The following TMPRSS15 variants were observed in gnomAD, a reference collection of about 807,000 sequenced individuals.
The protein encoded by TMPRSS15 is enteropeptidase.
TMPRSS15 carries 128 observed loss-of-function variants against 125.3 expected under a neutral mutation model. The ratio of observed to expected loss-of-function variants is 1.02; its 90% CI spans 0.89 to 1.18. The LOEUF (loss-of-function observed/expected upper bound fraction) is 1.18, where lower values mean the gene tolerates loss of function less well. TMPRSS15 is among the 50% of genes most tolerant of loss of function. The pLI is 0.00. For missense variants in TMPRSS15, 1,283 were observed against 1,212.7 expected (o/e 1.06, Z -0.86); for synonymous variants, 446 against 423.2 (o/e 1.05, Z -0.66).
At chr21:18,317,690 C>G (rs1276614059) in intron 16 of TMPRSS15, among the ~76,000 whole-genome samples, 1 of 151,990 alleles carries the variant, frequency 6.6e-6, no homozygotes, top group African/African-American at 2.4e-5. Context: ...GGATACACAT[C>G]AATGTGTGTG....
At chr21:18,454,286 A>T (rs1329339418) in intron 1 of TMPRSS15, among the ~76,000 whole-genome samples, 2 of 152,122 alleles carry the variant, frequency 1.3e-5, no homozygotes, top group Non-Finnish European at 2.9e-5. Context: ...TTGTACACTG[A>T]TGCGATGTTT....
intron 6 of TMPRSS15, among the ~76,000 whole-genome samples, chr21:18,365,658 CCTTCCTTCCTTCCTTCCTT>C (rs2075726553): frequency 8.6e-6 from 1 of 116,588 alleles, no homozygotes; most frequent in African/African-American, 3.7e-5. Flanking sequence ...TCCCTTCCTT[CCTTCCTTCCTTCCTTCCTT>C]CCTTCCTTCC....
intron 13 of TMPRSS15, 66 bp downstream of exon 13, chr21:18,341,347 A>G (rs990506741): frequency 6.3e-7 from 1 of 1,597,742 alleles, no homozygotes; most frequent in Non-Finnish European, 8.6e-7. Context: ...CTGGAATTAT[A>G]GCTGTGAGCC....
intron 1 of TMPRSS15, among the ~76,000 whole-genome samples, chr21:18,463,784 G>C (rs1042891062): frequency 3.3e-5 from 5 of 152,124 alleles, no homozygotes; most frequent in Non-Finnish European, 5.9e-5. Context: ...TAGAACTCAG[G>C]ATTAAGAAAC....
intron 18 of TMPRSS15, among the ~76,000 whole-genome samples, chr21:18,301,009 C>T (rs1420292140): frequency 1.3e-5 from 2 of 152,270 alleles, no homozygotes; most frequent in East Asian, 3.9e-4. Flanking sequence ...ATCTTTTCAA[C>T]ATTTTTAGTC....
upstream of TMPRSS15, among the ~76,000 whole-genome samples, chr21:18,405,614 A>T (rs567704739): frequency 7.2e-5 from 11 of 152,330 alleles, no homozygotes; most frequent in South Asian, 2.3e-3. Flanking sequence ...AACTTCATAT[A>T]TGAAAAACGT....
chr21:18,402,527 C>CAAAAAAA (rs60612261), intron 1 of TMPRSS15, among the ~76,000 whole-genome samples: 2 of 109,060 alleles, frequency 1.8e-5, no homozygotes, highest in Admixed American at 1.0e-4. Flanking sequence ...GACTCTATCT[C>CAAAAAAA]AAAAAAAAAA....
At chr21:18,279,395 A>G (rs892270628) in intron 22 of TMPRSS15, among the ~76,000 whole-genome samples, 2 of 130,674 alleles carry the variant, frequency 1.5e-5, no homozygotes, top group African/African-American at 5.7e-5. Context: ...GTGCGATCTC[A>G]GCTCACTGCA....
chr21:18,334,145 T>A (rs1049160375), intron 13 of TMPRSS15, among the ~76,000 whole-genome samples: 1 of 152,202 alleles, frequency 6.6e-6, no homozygotes, highest in Non-Finnish European at 1.5e-5. Context: ...GCCTTATTTA[T>A]GTAAGTCACT....
chr21:18,297,948 A>G (rs2074925954), intron 18 of TMPRSS15, 119 bp from the exon 19 acceptor site: 3 of 694,860 alleles, frequency 4.3e-6, no homozygotes, highest in Non-Finnish European at 7.4e-6. Context: ...TACCAGCCAA[A>G]AAAATGAACG....
In TMPRSS15 at chr21:18,444,264, A is replaced by C. The variant is rs144359130; in HGVS notation, c.10+41535T>G. Among the ~76,000 whole-genome samples the C allele has an allele frequency of 2.2e-4, 34 of 152,370 alleles. No homozygotes were observed. The East Asian group carries it at 6.0e-3, about 27-fold the overall frequency. ...CCCATTAACGGAAGACTGGATAAAG[A>C]AAATGTTGTATATGTACATCACGGA... On this transcript the variant is annotated intron_variant, in intron 1 of 7. Coordinates refer to the TMPRSS15 transcript ENST00000422787.
chr21:18,295,257 T>C (rs1009693777), intron 19 of TMPRSS15, among the ~76,000 whole-genome samples: 1 of 152,214 alleles, frequency 6.6e-6, no homozygotes, highest in Non-Finnish European at 1.5e-5. Context: ...CATCACCTGC[T>C]TAGAAATTTA....
intron 7 of TMPRSS15, among the ~76,000 whole-genome samples, chr21:18,363,481 C>T (rs2075696616): frequency 6.6e-6 from 1 of 151,980 alleles, no homozygotes. Context: ...GTGAACTTAG[C>T]AATTAAATTA....
At chr21:18,316,854 T>C (rs974638442) in intron 16 of TMPRSS15, among the ~76,000 whole-genome samples, 13 of 152,056 alleles carry the variant, frequency 8.5e-5, no homozygotes, top group Non-Finnish European at 1.3e-4. Context: ...GATTATGGCT[T>C]AGGAGGTACA....
intron 13 of TMPRSS15, among the ~76,000 whole-genome samples, chr21:18,338,153 A>T (rs1229791817): frequency 2.4e-4 from 37 of 152,166 alleles, no homozygotes; most frequent in Admixed American, 2.4e-3. Flanking sequence ...TTAAGAAATC[A>T]TATTTAAAAT....
Position 18,398,347 on chromosome 21 carries a change from GA to G in TMPRSS15, c.146-19del, listed in dbSNP as rs1569056750. Reference sequence around the variant, plus strand: ...TGCTGCACCTAGATAAATTAATAAGGAAAAAACACTAAGATTTTGGATTATG... The same window carrying G: ...TGCTGCACCTAGATAAATTAATAAGGAAAAACACTAAGATTTTGGATTATG... On this transcript the variant is annotated intron_variant, in intron 1 of 24. Transcript: ENST00000284885. 3 of 1,612,316 alleles carry G rather than the reference GA, an allele frequency of 1.9e-6. No individual in the cohort carries two copies. Among genetic ancestry groups the G allele is most frequent in the Non-Finnish European group, 2.5e-6 (3 of 1,179,204 alleles).
In TMPRSS15 at chr21:18,306,403, A is replaced by T. The variant is rs967020176; in HGVS notation, c.2165+6542T>A. ...TCTATGTTTTTGAAAGGCTTATTGA[A>T]AAACATTTTAATCTCTTCCCCCAGT... On this transcript the variant is annotated intron_variant, in intron 18 of 24. Transcript: ENST00000284885. Among the ~76,000 whole-genome samples, 5 of 152,318 alleles carry T rather than the reference A, an allele frequency of 3.3e-5. No homozygotes were observed. The East Asian group carries it at 9.6e-4, about 29-fold the overall frequency.
intron 3 of TMPRSS15, among the ~76,000 whole-genome samples, chr21:18,387,483 T>G (rs2123074178): frequency 6.6e-6 from 1 of 152,268 alleles, no homozygotes; most frequent in South Asian, 2.1e-4. Context: ...TAAATAGTTC[T>G]TTATTAAAAT....
intron 1 of TMPRSS15, among the ~76,000 whole-genome samples, chr21:18,422,631 A>G (rs2076194705): frequency 6.6e-6 from 1 of 152,190 alleles, no homozygotes; most frequent in Non-Finnish European, 1.5e-5. Context: ...AATTATTCCC[A>G]TTTATGAGAT....
Sources: gnomAD v4.1 joint callset for allele counts (sites outside exome capture counted in the v4.1 genomes callset) on GRCh38, gnomAD v4.1.1 for gene constraint, MANE v1.5 for transcripts, NCBI Gene and HGNC (gene_info 2026-07-23, HGNC 2026-07-21) for gene names.